IL18RAP: variants seen among roughly 807,000 people sequenced by gnomAD.
The protein encoded by IL18RAP is interleukin-18 receptor accessory protein.
A neutral mutation model predicts 58.1 loss-of-function variants in IL18RAP; 37 were observed. That is an observed-to-expected ratio of 0.64 (90% confidence interval 0.49 to 0.84). IL18RAP has a LOEUF of 0.84. Ranked by LOEUF, IL18RAP falls within the 40% of genes least tolerant of loss-of-function variation. The pLI, the probability that IL18RAP is intolerant of heterozygous loss-of-function variation, is 0.00. For missense variants in IL18RAP, 667 were observed against 704.8 expected, an observed-to-expected ratio of 0.95 and a Z score of 0.61; for synonymous variants, 268 against 257.5, an observed-to-expected ratio of 1.04 and a Z score of -0.39.
chr2:102,425,457 C>T (rs892619703), intron 3 of IL18RAP, among the ~76,000 whole-genome samples: 5 of 152,020 alleles, frequency 3.3e-5, no homozygotes, highest in Non-Finnish European at 5.9e-5. Context: ...ACAGGGTGGA[C>T]GAACGGCATG....
chr2:102,438,530 G>A (rs1412209026), intron 4 of IL18RAP, among the ~76,000 whole-genome samples: 1 of 151,996 alleles, frequency 6.6e-6, no homozygotes, highest in African/African-American at 2.4e-5. Context: ...TACCCCACTC[G>A]CACCACTTTT....
Position 102,424,222 on chromosome 2 carries a change from AT to A in IL18RAP, c.396-6del, listed in dbSNP as rs1280724831. Reference sequence around the variant, plus strand: ...TATCTATGTTCACAGGATCTTGTTAATTTCCTAGGAGCCCCTATGATGTAGC... The same window carrying A: ...TATCTATGTTCACAGGATCTTGTTAATTCCTAGGAGCCCCTATGATGTAGC... On this transcript the variant is annotated splice_polypyrimidine_tract_variant and splice_region_variant and intron_variant, in intron 2 of 9. Coordinates refer to ENST00000687160, the MANE Select transcript of IL18RAP (RefSeq NM_001393487.1). The A allele has an allele frequency of 6.2e-7, 1 of 1,613,168 alleles. No homozygotes were observed. Among genetic ancestry groups the A allele is most frequent in the Non-Finnish European group, 8.5e-7 (1 of 1,179,576 alleles).
intron 3 of IL18RAP, among the ~76,000 whole-genome samples, chr2:102,435,676 C>T (rs182765732): frequency 2.0e-3 from 297 of 152,264 alleles, no homozygotes; most frequent in Admixed American, 4.6e-3. Context: ...AAGTACCATT[C>T]CCATAGAATA....
chr2:102,449,226 C>A (rs537598116), intron 8 of IL18RAP, among the ~76,000 whole-genome samples: 1 of 149,310 alleles, frequency 6.7e-6, no homozygotes, highest in Non-Finnish European at 1.5e-5. Context: ...CGAGATCATG[C>A]CACTGCACTC....
At chr2:102,439,734 T>C (rs1682981667) in intron 4 of IL18RAP, 1 of 152,188 alleles carries the variant, frequency 6.6e-6, no homozygotes, top group Non-Finnish European at 1.5e-5. Context: ...CTGAAAAAGC[T>C]GAAGGGAAAG....
intron 6 of IL18RAP, among the ~76,000 whole-genome samples, chr2:102,444,771 A>G (rs1409005514): frequency 1.3e-5 from 2 of 152,224 alleles, no homozygotes; most frequent in Admixed American, 1.3e-4. Context: ...GGCCAAGGCC[A>G]TTATGATCCT....
chr2:102,423,516 C>G (rs1015826230), intron 1 of IL18RAP, among the ~76,000 whole-genome samples, 169 bp downstream of exon 1: 15 of 152,232 alleles, frequency 9.9e-5, no homozygotes, highest in African/African-American at 3.6e-4. Flanking sequence ...CAGCTGATAC[C>G]AAGCATTGTC....
intron 3 of IL18RAP, among the ~76,000 whole-genome samples, chr2:102,435,998 C>T (rs1323397444): frequency 6.6e-6 from 1 of 152,112 alleles, no homozygotes; most frequent in Non-Finnish European, 1.5e-5. Context: ...CTGCATTAGC[C>T]TCTCTTTGTC....
chr2:102,429,568 T>C (rs1682199481), intron 3 of IL18RAP, among the ~76,000 whole-genome samples: 1 of 151,904 alleles, frequency 6.6e-6, no homozygotes, highest in Admixed American at 6.6e-5. Context: ...TCTGTTTCAT[T>C]TATTTCTGCT....
chr2:102,438,343 T>C (rs2058658), intron 4 of IL18RAP, among the ~76,000 whole-genome samples: 118,151 of 152,184 alleles, frequency 0.78, 46,910 homozygotes, highest in African/African-American at 0.9. Context: ...TATTAATCTT[T>C]TCTTATTACA....
rs775122493 is a variant in IL18RAP at position 102,445,221 on chromosome 2, A to G, written c.953A>G (p.Glu318Gly). The G allele has an allele frequency of 2.5e-6, 4 of 1,613,860 alleles. No individual in the cohort carries two copies. The highest frequency in any genetic ancestry group is 3.3e-5 in the Admixed American group (2 of 60,000). ...TCCACTTTAAAGGATGAAATCATTG[A>G]GCGTAATATCATCTTGGAAAAAGTC... ...IKSTLKDEII[E>G]RNIILEKVTQ... The change falls in exon 7 of 10, where the codon GAG becomes GGG. Residue 318 changes from glutamate (E) to glycine (G), a missense_variant. By Grantham distance (98) the Glu-to-Gly change is moderately conservative. Transcript: ENST00000687160.
chr2:102,449,697 C>T (rs1287974474), intron 8 of IL18RAP, among the ~76,000 whole-genome samples: 1 of 152,102 alleles, frequency 6.6e-6, no homozygotes, highest in Non-Finnish European at 1.5e-5. Flanking sequence ...TCTAATACTC[C>T]ACTCTCTAAT....
At chr2:102,436,819 G>GTGTATATATATATA (rs1553404995) in intron 3 of IL18RAP, among the ~76,000 whole-genome samples, 18 of 149,890 alleles carry the variant, frequency 1.2e-4, no homozygotes, top group African/African-American at 4.4e-4. Flanking sequence ...GTGTGTGTGT[G>GTGTATATATATATA]TATATATATA....
intron 6 of IL18RAP, 56 bp from the exon 7 acceptor site, chr2:102,445,133 C>A: frequency 6.5e-7 from 1 of 1,531,790 alleles, no homozygotes; most frequent in Non-Finnish European, 9.0e-7. Flanking sequence ...CCAAATGCTG[C>A]AAATGGGTGT....
upstream of IL18RAP, chr2:102,419,428 C>G (rs745961753): frequency 2.6e-5 from 4 of 152,226 alleles, no homozygotes; most frequent in Non-Finnish European, 5.9e-5. Context: ...TTTAAGTCTG[C>G]CTTTGATGGT....
chr2:102,423,712 A>G, intron 1 of IL18RAP, 99 bp from the exon 2 acceptor site: 3 of 854,028 alleles, frequency 3.5e-6, no homozygotes, highest in Non-Finnish European at 5.5e-6. Context: ...ACACACAAGG[A>G]AGCTAGATCT....
intron 3 of IL18RAP, among the ~76,000 whole-genome samples, chr2:102,427,292 T>C (rs150122633): frequency 6.6e-6 from 1 of 152,252 alleles, no homozygotes; most frequent in East Asian, 1.9e-4. Context: ...CTGAATCATA[T>C]GGTAGCTCTA....
chr2:102,440,656 T>C (rs1683050237), intron 4 of IL18RAP, among the ~76,000 whole-genome samples: 1 of 151,462 alleles, frequency 6.6e-6, no homozygotes, highest in African/African-American at 2.4e-5. Flanking sequence ...GAGAGACAAG[T>C]TAAAAATACA....
At chr2:102,451,166 T>C (rs918079375) in intron 9 of IL18RAP, 145 bp downstream of exon 9, 3 of 606,636 alleles carry the variant, frequency 4.9e-6, no homozygotes, top group Non-Finnish European at 8.1e-6. Context: ...ACACAGAAAC[T>C]ATATGTTCCA....
Sources: allele counts gnomAD v4.1 joint callset (sites outside exome capture counted in the v4.1 genomes callset), GRCh38; gene constraint gnomAD v4.1.1; transcripts MANE v1.5; gene names NCBI Gene and HGNC (gene_info 2026-07-23, HGNC 2026-07-21).